Variants in ARHGAP42 observed in about 807,000 individuals in gnomAD.
ARHGAP42 encodes rho GTPase-activating protein 42.
A neutral mutation model predicts 125.0 loss-of-function variants in ARHGAP42; 63 were observed. The ratio of observed to expected loss-of-function variants is 0.50; its 90% CI spans 0.41 to 0.62. The LOEUF (loss-of-function observed/expected upper bound fraction) is 0.62, where lower values mean the gene tolerates loss of function less well. Among genes scored for constraint, ARHGAP42 ranks in the 20% least tolerant of loss-of-function variants. The probability of loss-of-function intolerance (pLI) is 0.00; values close to 1 mark genes in which losing one functional copy is unlikely to be tolerated. For missense variants in ARHGAP42, 766 were observed against 1,024.2 expected, an observed-to-expected ratio of 0.75 and a Z score of 3.44; for synonymous variants, 339 against 351.0, an observed-to-expected ratio of 0.97 and a Z score of 0.38.
At chr11:100,811,243 A>G (rs1565224292) in intron 3 of ARHGAP42, among the ~76,000 whole-genome samples, 1 of 152,238 alleles carries the variant, frequency 6.6e-6, no homozygotes, top group Non-Finnish European at 1.5e-5. Context: ...GGCGCGAGCT[A>G]CCATGCCTGG....
intron 2 of ARHGAP42, among the ~76,000 whole-genome samples, chr11:100,782,162 G>A (rs1863330722): frequency 6.6e-6 from 1 of 152,140 alleles, no homozygotes; most frequent in Non-Finnish European, 1.5e-5. Context: ...AGAAGACTTT[G>A]CTATGTAGTC....
intron 2 of ARHGAP42, among the ~76,000 whole-genome samples, chr11:100,791,758 A>C (rs1223078178): frequency 1.3e-5 from 2 of 151,834 alleles, no homozygotes; most frequent in Non-Finnish European, 2.9e-5. Flanking sequence ...GAGGGAGAGG[A>C]GTTTTTGTTG....
At chr11:100,965,829 G>T in intron 17 of ARHGAP42, 53 bp downstream of exon 17, 1 of 1,427,934 alleles carries the variant, frequency 7.0e-7, no homozygotes, top group Non-Finnish European at 9.6e-7. Flanking sequence ...TGTTAAGTTT[G>T]TTCATGTCTT....
chr11:100,738,171 A>T (rs1252580225), intron 1 of ARHGAP42, among the ~76,000 whole-genome samples: 1 of 152,214 alleles, frequency 6.6e-6, no homozygotes, highest in Non-Finnish European at 1.5e-5. Context: ...GATAGCCTTT[A>T]ATTTATAGCT....
intron 1 of ARHGAP42, among the ~76,000 whole-genome samples, chr11:100,747,475 G>A (rs1862331138): frequency 6.6e-6 from 1 of 152,054 alleles, no homozygotes; most frequent in Non-Finnish European, 1.5e-5. Context: ...TATAATTTTT[G>A]TTAAAGAGCG....
chr11:100,835,284 C>G (rs1864758328), intron 3 of ARHGAP42, among the ~76,000 whole-genome samples: 1 of 152,122 alleles, frequency 6.6e-6, no homozygotes, highest in Non-Finnish European at 1.5e-5. Context: ...AAATGATTTT[C>G]CAGCATTTTA....
chr11:100,733,835 A>G (rs1287467926), intron 1 of ARHGAP42, among the ~76,000 whole-genome samples: 1 of 149,586 alleles, frequency 6.7e-6, no homozygotes, highest in Non-Finnish European at 1.5e-5. Flanking sequence ...GAAAAAAAAA[A>G]AAAAAAAAAA....
chr11:100,699,507 T>TATATATATATATATA (rs1491440671), intron 1 of ARHGAP42, among the ~76,000 whole-genome samples: 1 of 28,604 alleles, frequency 3.5e-5, no homozygotes. Context: ...TATATATATA[T>TATATATATATATATA]TTTTTTTTTT....
chr11:100,717,664 A>G (rs1032874272), intron 1 of ARHGAP42, among the ~76,000 whole-genome samples: 6 of 147,982 alleles, frequency 4.1e-5, no homozygotes, highest in South Asian at 2.1e-4. Context: ...AAAAGATTCC[A>G]TATATAATTC....
chr11:100,736,897 C>A (rs566699063), intron 1 of ARHGAP42, among the ~76,000 whole-genome samples: 6 of 152,298 alleles, frequency 3.9e-5, no homozygotes, highest in African/African-American at 1.4e-4. Context: ...AACTTCCTGA[C>A]TCCAGGAAAC....
intron 4 of ARHGAP42, among the ~76,000 whole-genome samples, chr11:100,898,679 G>A (rs1206778383): frequency 1.3e-5 from 2 of 152,068 alleles, no homozygotes; most frequent in African/African-American, 2.4e-5. Flanking sequence ...TGTGAGGTCG[G>A]TGGTGATATC....
At chr11:100,767,060 A>C (rs1166905349) in intron 1 of ARHGAP42, among the ~76,000 whole-genome samples, 1 of 152,190 alleles carries the variant, frequency 6.6e-6, no homozygotes, top group Non-Finnish European at 1.5e-5. Flanking sequence ...AGAAAAGTTG[A>C]AACTGCTATC....
chr11:100,874,939 T>A (rs749472187), intron 4 of ARHGAP42, among the ~76,000 whole-genome samples: 7 of 152,164 alleles, frequency 4.6e-5, no homozygotes, highest in Non-Finnish European at 7.3e-5. Flanking sequence ...CAGATGACTC[T>A]GTTCTCTTTT....
intron 1 of ARHGAP42, among the ~76,000 whole-genome samples, chr11:100,741,831 T>C (rs1217360830): frequency 6.6e-6 from 1 of 152,320 alleles, no homozygotes; most frequent in African/African-American, 2.4e-5. Context: ...CCTTAACTAA[T>C]GTTTAAAGCA....
intron 4 of ARHGAP42, among the ~76,000 whole-genome samples, chr11:100,896,079 G>C (rs1866350907): frequency 1.3e-5 from 2 of 152,182 alleles, no homozygotes; most frequent in African/African-American, 4.8e-5. Context: ...ACCTATGAGT[G>C]AGAACATGCG....
chr11:100,956,807 C>G (rs567604841), intron 12 of ARHGAP42, among the ~76,000 whole-genome samples: 62 of 152,182 alleles, frequency 4.1e-4, no homozygotes, highest in African/African-American at 1.5e-3. Context: ...TGATCTATGT[C>G]TGTTTGAAGA....
chr11:100,736,058 A>G (rs551130698), intron 1 of ARHGAP42, among the ~76,000 whole-genome samples: 2 of 152,338 alleles, frequency 1.3e-5, no homozygotes, highest in Non-Finnish European at 2.9e-5. Flanking sequence ...CAGAGCTGAG[A>G]TATATTTTTC....
chr11:100,797,788 A>G (rs964802480), intron 3 of ARHGAP42, among the ~76,000 whole-genome samples: 2 of 152,092 alleles, frequency 1.3e-5, no homozygotes, highest in Admixed American at 1.3e-4. Context: ...TAAGAAATAC[A>G]TTTTTTCAAG....
At chr11:100,781,480 T>C (rs1205104051) in intron 2 of ARHGAP42, among the ~76,000 whole-genome samples, 2 of 152,198 alleles carry the variant, frequency 1.3e-5, no homozygotes, top group African/African-American at 4.8e-5. Flanking sequence ...CCTTGATAAC[T>C]GGCTCTTAGG....
Sources: gnomAD v4.1 joint callset for allele counts (sites outside exome capture counted in the v4.1 genomes callset) on GRCh38, gnomAD v4.1.1 for gene constraint, MANE v1.5 for transcripts, NCBI Gene and HGNC (gene_info 2026-07-23, HGNC 2026-07-21) for gene names.